The following OTOGL variants were observed in gnomAD, a reference collection of about 807,000 sequenced individuals.
The protein encoded by OTOGL is otogelin like.
Under a neutral mutation model 318.5 loss-of-function variants are expected in OTOGL, and 285 were observed. The ratio of observed to expected loss-of-function variants is 0.89; its 90% CI spans 0.81 to 0.99. The LOEUF (loss-of-function observed/expected upper bound fraction) is 0.99, where lower values mean the gene tolerates loss of function less well. Among genes scored for constraint, OTOGL ranks in the 50% least tolerant of loss-of-function variants. OTOGL has a pLI of 0.00. For synonymous variants in OTOGL, 987 were observed against 936.5 expected, an observed-to-expected ratio of 1.05 and a Z score of -0.99; for missense variants, 2,899 against 2,845.6, an observed-to-expected ratio of 1.02 and a Z score of -0.43.
intron 26 of OTOGL, among the ~76,000 whole-genome samples, chr12:80,288,466 C>T (rs892227163): frequency 6.6e-6 from 1 of 152,110 alleles, no homozygotes; most frequent in Non-Finnish European, 1.5e-5. Flanking sequence ...TGGGGAAGTT[C>T]TCCTGGATAA....
chr12:80,169,020 A>G (rs1281289748), intron 1 of OTOGL, among the ~76,000 whole-genome samples: 1 of 152,082 alleles, frequency 6.6e-6, no homozygotes, highest in Non-Finnish European at 1.5e-5. Context: ...TCCTCAACTC[A>G]TTCTGTACTT....
At chr12:80,136,387 C>G (rs1222457163) in intron 1 of OTOGL, among the ~76,000 whole-genome samples, 1 of 152,252 alleles carries the variant, frequency 6.6e-6, no homozygotes, top group African/African-American at 2.4e-5. Flanking sequence ...GCCAGCATCA[C>G]CTTTCATGTC....
Position 80,216,608 on chromosome 12 carries a change from A to T in OTOGL, c.169-990A>T, listed in dbSNP as rs1224341996. On this transcript the variant is annotated intron_variant, in intron 4 of 58. Coordinates refer to ENST00000547103, the MANE Select transcript of OTOGL (RefSeq NM_001378609.3). ...TAATTTTCTGTGTGAGGCACTATGT[A>T]TGTAAGCTTCACGTACATGGCTTTA... Among the ~76,000 whole-genome samples, 3 of 152,316 alleles carry T rather than the reference A, an allele frequency of 2.0e-5. No homozygotes were observed. The East Asian group carries it at 5.8e-4, about 29-fold the overall frequency.
rs74108594 is a variant in OTOGL, at chr12:80,340,173, G to C, written c.5050+909G>C. Among the ~76,000 whole-genome samples, 1,375 of 152,198 alleles carry C rather than the reference G, an allele frequency of 9.0e-3. 23 individuals are homozygous for C. The highest frequency in any genetic ancestry group is 0.032 in the African/African-American group (1,315 of 41,540). On this transcript the variant is annotated intron_variant, in intron 43 of 58. Transcript: ENST00000547103. ...AATAAAAGTTTATGGATCACCTATT[G>C]TGTGTCTGACATTATGCTTGAGGCT...
chr12:80,181,999 A>C (rs1287226365), intron 1 of OTOGL, among the ~76,000 whole-genome samples: 1 of 152,072 alleles, frequency 6.6e-6, no homozygotes, highest in Admixed American at 6.6e-5. Flanking sequence ...CATTGCCTCT[A>C]CAAAAAGATA....
At chr12:80,320,745 A>C in intron 34 of OTOGL, 45 bp downstream of exon 34, 1 of 1,469,556 alleles carries the variant, frequency 6.8e-7, no homozygotes, top group Non-Finnish European at 9.1e-7. Flanking sequence ...TAGGTAATTT[A>C]TATTAGGCAG....
At chr12:80,282,926 T>G (rs1884341608) in intron 26 of OTOGL, among the ~76,000 whole-genome samples, 1 of 151,986 alleles carries the variant, frequency 6.6e-6, no homozygotes, top group Non-Finnish European at 1.5e-5. Flanking sequence ...ATGACTGATT[T>G]GGTTCCTTCA....
chr12:80,301,851 G>C (rs1885786311), intron 27 of OTOGL, among the ~76,000 whole-genome samples: 1 of 152,276 alleles, frequency 6.6e-6, no homozygotes, highest in Non-Finnish European at 1.5e-5. Flanking sequence ...ACATATTTCT[G>C]TTCATGCCTT....
rs551156764 is a variant in OTOGL at position 80,133,780 on chromosome 12, C to A, written c.-20+34175C>A. ...GACCAGTTTAAGCAACATGGCAACA[C>A]CCTATCTCTACAAAAATACAAAAAA... On this transcript the variant is annotated intron_variant, in intron 1 of 58. Transcript: ENST00000547103. 4.6e-5 allele frequency among the ~76,000 whole-genome samples: 7 copies of A among 152,014 alleles called. No individual in the cohort carries two copies. The South Asian group carries it at 1.5e-3, about 32-fold the overall frequency.
At chr12:80,105,439 G>C (rs1039989977) in intron 1 of OTOGL, among the ~76,000 whole-genome samples, 4 of 152,094 alleles carry the variant, frequency 2.6e-5, no homozygotes, top group South Asian at 2.1e-4. Context: ...CTACATTTCT[G>C]AAATAAAAGG....
chr12:80,336,853 T>C (rs1565994461), intron 41 of OTOGL, 33 bp downstream of exon 41: 1 of 1,538,316 alleles, frequency 6.5e-7, no homozygotes, highest in African/African-American at 1.4e-5. Flanking sequence ...GTACATTCAT[T>C]CTGTTTATCA....
intron 1 of OTOGL, among the ~76,000 whole-genome samples, chr12:80,146,952 T>C (rs1405940953): frequency 5.3e-5 from 8 of 152,164 alleles, no homozygotes; most frequent in Admixed American, 1.3e-4. Flanking sequence ...TCTCTCTTTT[T>C]TTCTTTATTA....
At chr12:80,209,660 A>G (rs1202149902) in intron 2 of OTOGL, 150 bp downstream of exon 2, 2 of 467,104 alleles carry the variant, frequency 4.3e-6, no homozygotes, top group South Asian at 6.1e-5. Flanking sequence ...AAAAATTCTT[A>G]ATAATGTAGA....
Position 80,320,516 on chromosome 12 carries a change from G to A in OTOGL, c.3897G>A (p.Ala1299=), listed in dbSNP as rs767355057. The change falls in exon 34 of 59, where the codon GCG becomes GCA. Residue 1299 remains alanine (A), a synonymous_variant. Coordinates refer to ENST00000547103, the MANE Select transcript of OTOGL (RefSeq NM_001378609.3). ...CTCTTAGCTTGGAGCTGTGGGAGGC[G>A]AATTCAGCCTTTCATCGGAGAGCAA... ...NDTLSLELWE[A]NSAFHRRATF... is the part of the protein sequence containing the mutation. The A allele has an allele frequency of 4.3e-5, 69 of 1,613,570 alleles. No individual in the cohort carries two copies. The highest frequency in any genetic ancestry group is 5.1e-5 in the Non-Finnish European group (60 of 1,179,708).
chr12:80,358,624 G>T, intron 50 of OTOGL, 47 bp from the exon 51 acceptor site: 1 of 1,427,098 alleles, frequency 7.0e-7, no homozygotes, highest in South Asian at 1.2e-5. Flanking sequence ...AATGAGAAAT[G>T]GCAACTCTAT....
Position 80,233,626 on chromosome 12 carries a change from G to C in OTOGL, c.817+529G>C, listed in dbSNP as rs149840045. Among the ~76,000 whole-genome samples the C allele has an allele frequency of 7.1e-3, 1,084 of 152,318 alleles. 17 individuals are homozygous for C. Among genetic ancestry groups the C allele is most frequent in the African/African-American group, 0.025 (1,035 of 41,574 alleles). On this transcript the variant is annotated intron_variant, in intron 9 of 58. Transcript: ENST00000547103. ...AGGTTTTATATACCTACCAGATCAT[G>C]TATTAAATCTAAGTTATGAAACTAA...
At chr12:80,339,789 G>A (rs1218587667) in intron 43 of OTOGL, among the ~76,000 whole-genome samples, 1 of 152,008 alleles carries the variant, frequency 6.6e-6, no homozygotes, top group African/African-American at 2.4e-5. Context: ...ATTATGAAAT[G>A]TAAAGCTTAG....
chr12:80,287,066 A>T (rs1441018779), intron 26 of OTOGL, among the ~76,000 whole-genome samples: 1 of 151,926 alleles, frequency 6.6e-6, no homozygotes, highest in Non-Finnish European at 1.5e-5. Context: ...ACACTGCTTT[A>T]GCTGTGTCCC....
intron 21 of OTOGL, among the ~76,000 whole-genome samples, chr12:80,267,001 A>G (rs1883029853): frequency 6.6e-6 from 1 of 152,172 alleles, no homozygotes; most frequent in Non-Finnish European, 1.5e-5. Context: ...AATTGCATTC[A>G]GTGATTTTTC....
Sources: gnomAD v4.1 joint callset for allele counts (sites outside exome capture counted in the v4.1 genomes callset) on GRCh38, gnomAD v4.1.1 for gene constraint, MANE v1.5 for transcripts, NCBI Gene and HGNC (gene_info 2026-07-23, HGNC 2026-07-21) for gene names.